Variants in NDUFA10 observed in about 807,000 individuals in gnomAD.
NDUFA10 encodes the protein NADH dehydrogenase [ubiquinone] 1 alpha subcomplex subunit 10, mitochondrial.
Under a neutral mutation model 47.8 loss-of-function variants are expected in NDUFA10, and 40 were observed. The observed-to-expected ratio is 0.84, with a 90% CI of 0.65 to 1.09. The LOEUF (loss-of-function observed/expected upper bound fraction) is 1.09, where lower values mean the gene tolerates loss of function less well. NDUFA10 is among the 50% of genes least tolerant of loss of function. The probability of loss-of-function intolerance (pLI) is 0.00; values close to 1 mark genes in which losing one functional copy is unlikely to be tolerated. For synonymous variants in NDUFA10, 183 were observed against 172.2 expected (o/e 1.06, Z -0.49); for missense variants, 413 against 451.1 (o/e 0.92, Z 0.76).
At chr2:239,966,546 G>T (rs1251174071) in intron 9 of NDUFA10, among the ~76,000 whole-genome samples, 1 of 152,188 alleles carries the variant, frequency 6.6e-6, no homozygotes, top group Non-Finnish European at 1.5e-5. Context: ...ATACAGGAAA[G>T]ACTGGAGAAG....
At chr2:239,992,829 A>G (rs1696306824) in intron 8 of NDUFA10, among the ~76,000 whole-genome samples, 2 of 152,232 alleles carry the variant, frequency 1.3e-5, no homozygotes, top group Admixed American at 1.3e-4. Flanking sequence ...CACTGGCAAC[A>G]CGTAACTGAG....
chr2:239,918,026 T>G (rs1693905949), intron 4 of NDUFA10, among the ~76,000 whole-genome samples: 2 of 151,968 alleles, frequency 1.3e-5, no homozygotes, highest in South Asian at 4.2e-4. Flanking sequence ...GGACTCCAGG[T>G]GGGGAGAGGA....
chr2:239,910,980 C>T (rs1009958442), intron 4 of NDUFA10, among the ~76,000 whole-genome samples: 2 of 152,202 alleles, frequency 1.3e-5, no homozygotes, highest in Non-Finnish European at 2.9e-5. Flanking sequence ...GGCTGCAGCC[C>T]AGCCACCCCA....
chr2:240,017,976 G>T, intron 4 of NDUFA10: 1 of 1,312,848 alleles, frequency 7.6e-7, no homozygotes, highest in Non-Finnish European at 1.1e-6. Context: ...CACAGTCCTA[G>T]TCACAGACAC....
intron 9 of NDUFA10, among the ~76,000 whole-genome samples, chr2:239,982,744 T>C (rs939469204): frequency 8.5e-5 from 13 of 152,212 alleles, no homozygotes; most frequent in African/African-American, 3.1e-4. Context: ...TCATGAACAT[T>C]TGCCTTCCTA....
chr2:239,994,792 C>T (rs1004134381), intron 8 of NDUFA10, among the ~76,000 whole-genome samples: 4 of 152,074 alleles, frequency 2.6e-5, no homozygotes, highest in Non-Finnish European at 5.9e-5. Flanking sequence ...CAAACACACA[C>T]ACAAATATAG....
rs781189175 is a variant in NDUFA10, at chr2:240,022,238, T to A, written c.178A>T (p.Ile60Leu). Residue 60 changes from isoleucine (I) to leucine (L), a missense_variant, in exon 2 of 10, where the codon ATA becomes TTA. By Grantham distance (5) the Ile-to-Leu change is conservative. Transcript: ENST00000252711. ...GTACATATATTGCCATCTACAGTTA[T>A]CACTCTGCTGCGTTCTGTCAGTCTT... is the stretch of plus-strand genomic sequence containing the variant. ...SKRLTERSRV[I>L]TVDGNICTGK... 1 of 1,614,060 alleles carries A rather than the reference T, an allele frequency of 6.2e-7. No individual in the cohort carries two copies. The highest frequency in any genetic ancestry group is 8.5e-7 in the Non-Finnish European group (1 of 1,180,038).
intron 9 of NDUFA10, among the ~76,000 whole-genome samples, chr2:239,967,147 T>A (rs1288514961): frequency 6.6e-6 from 1 of 152,190 alleles, no homozygotes; most frequent in Non-Finnish European, 1.5e-5. Context: ...AACAGAGCAA[T>A]AGATGCTGAC....
At chr2:239,932,483 C>T (rs1404792124) in intron 4 of NDUFA10, among the ~76,000 whole-genome samples, 2 of 152,050 alleles carry the variant, frequency 1.3e-5, no homozygotes, top group Admixed American at 6.5e-5. Context: ...AGATTGCTTA[C>T]ACGTTTCTTG....
At chr2:239,935,445 C>T (rs1010745555) in intron 4 of NDUFA10, among the ~76,000 whole-genome samples, 1 of 152,198 alleles carries the variant, frequency 6.6e-6, no homozygotes, top group Non-Finnish European at 1.5e-5. Flanking sequence ...AGAGATCGGG[C>T]CTCGGGGAGC....
intron 4 of NDUFA10, among the ~76,000 whole-genome samples, chr2:239,913,215 T>G (rs1490892340): frequency 3.9e-5 from 6 of 152,222 alleles, no homozygotes; most frequent in Non-Finnish European, 8.8e-5. Flanking sequence ...GGCTGTACCT[T>G]GAGCCAAGAC....
At chr2:240,009,724 G>A (rs990597225) in intron 6 of NDUFA10, among the ~76,000 whole-genome samples, 1 of 152,128 alleles carries the variant, frequency 6.6e-6, no homozygotes, top group Non-Finnish European at 1.5e-5. Context: ...AGGTCAATCT[G>A]CTTTATTTCA....
At chr2:239,923,175 CA>C (rs1181554839) in intron 4 of NDUFA10, among the ~76,000 whole-genome samples, 1 of 152,138 alleles carries the variant, frequency 6.6e-6, no homozygotes, top group Non-Finnish European at 1.5e-5. Context: ...ATACATAACA[CA>C]AAAACTGAAA....
chr2:239,997,865 G>A (rs1270486651), intron 8 of NDUFA10, among the ~76,000 whole-genome samples: 1 of 152,200 alleles, frequency 6.6e-6, no homozygotes, highest in East Asian at 1.9e-4. Flanking sequence ...CTTAGCAGCT[G>A]ACGGCTGGAT....
At chr2:239,988,114 T>TA (rs999452410) in intron 9 of NDUFA10, among the ~76,000 whole-genome samples, 3 of 152,170 alleles carry the variant, frequency 2.0e-5, no homozygotes, top group Non-Finnish European at 4.4e-5. Context: ...ATATTCAGAA[T>TA]AAAAAATTTA....
intron 4 of NDUFA10, among the ~76,000 whole-genome samples, chr2:239,896,056 G>C (rs1693389654): frequency 6.6e-6 from 1 of 152,220 alleles, no homozygotes; most frequent in Non-Finnish European, 1.5e-5. Flanking sequence ...CATTTGAAGT[G>C]GACTCATGTG....
intron 4 of NDUFA10, among the ~76,000 whole-genome samples, chr2:239,948,413 C>T (rs1316529400): frequency 4.6e-5 from 7 of 152,380 alleles, no homozygotes; most frequent in Admixed American, 1.3e-4. Context: ...CCACAGCCTC[C>T]GCTCCATGAG....
In NDUFA10 at chr2:239,920,165, G is replaced by A. The variant is rs569590250; in HGVS notation, c.295-24851C>T. On this transcript the variant is annotated intron_variant, in intron 4 of 5. Coordinates refer to the NDUFA10 transcript ENST00000419408. Reference sequence around the variant, plus strand: ...GGGGCCCCATGATGGGACTGGGACAGCAGAATGCTGCTTCCTCTCTCTCCA... The same window carrying A: ...GGGGCCCCATGATGGGACTGGGACAACAGAATGCTGCTTCCTCTCTCTCCA... Among the ~76,000 whole-genome samples, 6 of 152,350 alleles carry A rather than the reference G, an allele frequency of 3.9e-5. No individual in the cohort carries two copies. In the South Asian group the frequency reaches 1.2e-3, roughly 32 times the overall value.
rs931470075 is a variant in NDUFA10 at position 240,021,496 on chromosome 2, G to T, written c.245-84C>A. On this transcript the variant is annotated intron_variant, in intron 2 of 9. Transcript: ENST00000252711. The stretch of plus-strand genomic sequence containing the variant: ...CAGTGGGGACTAGCCAAAACACACA[G>T]CCCGCCCGAATCTCACCGCCAGGGA... The T allele has an allele frequency of 4.7e-5, 59 of 1,248,248 alleles. No individual in the cohort carries two copies. The African/African-American group carries it at 8.1e-4, about 17-fold the overall frequency. 77.3% of individuals were successfully genotyped at this position (1,248,248 alleles called of 1,614,324 possible).
Sources: gnomAD v4.1 joint callset for allele counts (sites outside exome capture counted in the v4.1 genomes callset) on GRCh38, gnomAD v4.1.1 for gene constraint, MANE v1.5 for transcripts, NCBI Gene and HGNC (gene_info 2026-07-23, HGNC 2026-07-21) for gene names.